THOC7: variants seen among roughly 807,000 people sequenced by gnomAD.
The protein encoded by THOC7 is THO complex subunit 7, also known as NIF3L1-binding protein 1.
A neutral mutation model predicts 33.1 loss-of-function variants in THOC7; 22 were observed. The observed-to-expected ratio is 0.66, with a 90% CI of 0.47 to 0.95. The LOEUF (loss-of-function observed/expected upper bound fraction) is 0.95. Among genes scored for constraint, THOC7 ranks in the 40% least tolerant of loss-of-function variants. The pLI is 0.00. For missense variants in THOC7, 184 were observed against 245.3 expected (o/e 0.75, Z 1.67); for synonymous variants, 77 against 76.8 (o/e 1.00, Z -0.01).
At chr3:63,856,875 G>C (rs59691997) in intron 1 of THOC7, among the ~76,000 whole-genome samples, 2,483 of 152,078 alleles carry the variant, frequency 0.016, 76 homozygotes, top group African/African-American at 0.055. Context: ...CCGCTACCAC[G>C]CCCAGCTAAT....
chr3:63,846,486 C>T (rs1701899684), intron 1 of THOC7, among the ~76,000 whole-genome samples: 1 of 152,150 alleles, frequency 6.6e-6, no homozygotes, highest in African/African-American at 2.4e-5. Flanking sequence ...TGGCTCACCA[C>T]AACCTTCGTC....
chr3:63,845,166 C>G (rs898815176), intron 1 of THOC7: 40 of 564,526 alleles, frequency 7.1e-5, no homozygotes, highest in African/African-American at 6.9e-4. Flanking sequence ...CAGATCTGAG[C>G]TCTGCTCTCT....
intron 1 of THOC7, among the ~76,000 whole-genome samples, chr3:63,856,456 C>A (rs1277463841): frequency 1.3e-5 from 2 of 151,936 alleles, no homozygotes; most frequent in Admixed American, 6.6e-5. Flanking sequence ...TCCTATCTAC[C>A]CTGCTGTGAT....
intron 2 of THOC7, among the ~76,000 whole-genome samples, chr3:63,839,027 C>T (rs1174314923): frequency 6.6e-6 from 1 of 152,110 alleles, no homozygotes; most frequent in Admixed American, 6.6e-5. Flanking sequence ...CCCATCTCTA[C>T]TAAAATACAA....
chr3:63,863,842 T>TGGC (rs1373043235), upstream of THOC7: 2 of 1,214,972 alleles, frequency 1.6e-6, no homozygotes, highest in Non-Finnish European at 2.0e-6. Context: ...AGGCGGCGGT[T>TGGC]GGCGGCGGCG....
intron 1 of THOC7, among the ~76,000 whole-genome samples, chr3:63,852,217 G>T (rs1328147733): frequency 2.0e-5 from 3 of 152,232 alleles, no homozygotes; most frequent in Non-Finnish European, 4.4e-5. Flanking sequence ...TTCAAAGGAT[G>T]CTGTGGACAG....
chr3:63,851,585 G>C (rs1702020365), intron 1 of THOC7, among the ~76,000 whole-genome samples: 1 of 152,168 alleles, frequency 6.6e-6, no homozygotes, highest in South Asian at 2.1e-4. Context: ...TCTTCCGTGG[G>C]TATAATAATG....
intron 1 of THOC7, among the ~76,000 whole-genome samples, chr3:63,852,583 G>A (rs941604131): frequency 2.6e-5 from 4 of 152,184 alleles, no homozygotes; most frequent in African/African-American, 9.7e-5. Context: ...GAACACTAGG[G>A]AGGCTGGATG....
chr3:63,863,350 C>T (rs1702279037), intron 1 of THOC7, among the ~76,000 whole-genome samples: 1 of 152,158 alleles, frequency 6.6e-6, no homozygotes, highest in Non-Finnish European at 1.5e-5. Context: ...AGCCCTAAGC[C>T]CGGCACCACT....
At chr3:63,860,281 G>A (rs940532170) in intron 1 of THOC7, among the ~76,000 whole-genome samples, 2 of 152,162 alleles carry the variant, frequency 1.3e-5, no homozygotes, top group African/African-American at 4.8e-5. Context: ...CTGGGCTCAC[G>A]TGATCCTCCT....
intron 1 of THOC7, among the ~76,000 whole-genome samples, chr3:63,852,810 A>T (rs2107155331): frequency 6.6e-6 from 1 of 152,334 alleles, no homozygotes; most frequent in East Asian, 1.9e-4. Flanking sequence ...ACCAAAGCAT[A>T]CACAGTTAGG....
intron 1 of THOC7, among the ~76,000 whole-genome samples, chr3:63,862,032 C>T (rs1349961129): frequency 6.6e-6 from 1 of 152,072 alleles, no homozygotes; most frequent in Non-Finnish European, 1.5e-5. Context: ...CTCAAGAGGT[C>T]CGCCTGCCTT....
intron 1 of THOC7, among the ~76,000 whole-genome samples, chr3:63,845,737 G>A (rs1215994036): frequency 2.0e-5 from 3 of 152,170 alleles, no homozygotes; most frequent in Admixed American, 6.5e-5. Context: ...TTTTGGCTTT[G>A]GAAGACCCAA....
At chr3:63,844,658 G>T (rs1295890508) in intron 1 of THOC7, among the ~76,000 whole-genome samples, 4 of 152,156 alleles carry the variant, frequency 2.6e-5, no homozygotes, top group Non-Finnish European at 5.9e-5. Flanking sequence ...CTCGGAGTGA[G>T]CTCCTGATAA....
At chr3:63,859,644 A>G (rs1223490952) in intron 1 of THOC7, among the ~76,000 whole-genome samples, 1 of 152,244 alleles carries the variant, frequency 6.6e-6, no homozygotes, top group Non-Finnish European at 1.5e-5. Context: ...TATCTTATTT[A>G]CTTATTTGAT....
chr3:63,863,423 TC>T, intron 1 of THOC7: 1 of 1,092,356 alleles, frequency 9.2e-7, no homozygotes, highest in Non-Finnish European at 1.1e-6. Context: ...CTCCCTCTGG[TC>T]CCACCCGCCC....
intron 1 of THOC7, among the ~76,000 whole-genome samples, chr3:63,857,460 AT>A (rs1402174457): frequency 6.6e-6 from 1 of 152,246 alleles, no homozygotes; most frequent in Non-Finnish European, 1.5e-5. Flanking sequence ...TGTAAAAAAA[AT>A]GTTCATGCAG....
rs541713576 is a variant in THOC7, at chr3:63,843,607, A to T, written c.20-3834T>A. Reference sequence around the variant, plus strand: ...GTGTTTACCAACAGATGAATGAATTAAAAAAAATGTGGGCTGGGCGTGGTG... The same window carrying T: ...GTGTTTACCAACAGATGAATGAATTTAAAAAAATGTGGGCTGGGCGTGGTG... On this transcript the variant is annotated intron_variant, in intron 1 of 7. Coordinates refer to ENST00000295899, the MANE Select transcript of THOC7 (RefSeq NM_025075.4). 1.3e-4 allele frequency among the ~76,000 whole-genome samples: 20 copies of T among 152,120 alleles called. No homozygotes were observed. In the East Asian group the frequency reaches 3.5e-3, roughly 27 times the overall value.
intron 1 of THOC7, 21 bp from the exon 2 acceptor site, chr3:63,839,794 G>T: frequency 6.3e-7 from 1 of 1,595,964 alleles, no homozygotes; most frequent in Non-Finnish European, 8.6e-7. Context: ...GAAGGGCAAT[G>T]TTACCATCTG....
Sources: allele counts gnomAD v4.1 joint callset (sites outside exome capture counted in the v4.1 genomes callset), GRCh38; gene constraint gnomAD v4.1.1; transcripts MANE v1.5; gene names NCBI Gene and HGNC (gene_info 2026-07-23, HGNC 2026-07-21).